Variants in STK31 observed in about 807,000 individuals in gnomAD.
STK31 encodes the protein serine/threonine kinase 31, also known as serine/threonine-protein kinase 31.
Under a neutral mutation model 129.7 loss-of-function variants are expected in STK31, and 89 were observed. The ratio of observed to expected loss-of-function variants is 0.69; its 90% CI spans 0.58 to 0.82. STK31 has a LOEUF of 0.82. Among genes scored for constraint, STK31 ranks in the 40% least tolerant of loss-of-function variants. The pLI, the probability that STK31 is intolerant of heterozygous loss-of-function variation, is 0.00. For synonymous variants in STK31, 448 were observed against 395.3 expected, an observed-to-expected ratio of 1.13 and a Z score of -1.58; for missense variants, 1,187 against 1,176.4, an observed-to-expected ratio of 1.01 and a Z score of -0.13.
intron 23 of STK31, among the ~76,000 whole-genome samples, chr7:23,825,289 C>T (rs1794064200): frequency 6.6e-6 from 1 of 152,146 alleles, no homozygotes; most frequent in African/African-American, 2.4e-5. Context: ...TGTTATTGGT[C>T]TATTCAGAGA....
At chr7:23,783,079 C>G (rs1791034247) in intron 16 of STK31, among the ~76,000 whole-genome samples, 1 of 152,016 alleles carries the variant, frequency 6.6e-6, no homozygotes, top group South Asian at 2.1e-4. Flanking sequence ...CGGAGAGACT[C>G]TGGGGATGCT....
At chr7:23,715,433 C>A in intron 3 of STK31, among the ~76,000 whole-genome samples, 1 of 141,160 alleles carries the variant, frequency 7.1e-6, no homozygotes, top group African/African-American at 2.7e-5. Context: ...GCCTTGGCAA[C>A]AGTAAGACCT....
intron 4 of STK31, chr7:23,721,822 A>G: frequency 1.8e-6 from 1 of 554,628 alleles, no homozygotes; most frequent in Non-Finnish European, 3.3e-6. Flanking sequence ...CTCTACATTC[A>G]TTTGATCTTC....
At position 23,736,478 on chromosome 7, in the gene STK31, T is replaced by C. The variant is rs147742514; in HGVS notation, c.843-426T>C. ...CCATGATGCTGTATCTTGGATGACA[T>C]AGCTGTTTGATGGGATCTCATCAGT... On this transcript the variant is annotated intron_variant, in intron 7 of 23. Transcript: ENST00000355870. Among the ~76,000 whole-genome samples, 1,175 of 150,028 alleles carry C rather than the reference T, an allele frequency of 7.8e-3. 9 individuals carry two copies. Among genetic ancestry groups the C allele is most frequent in the South Asian group, 0.03 (140 of 4,718 alleles).
intron 8 of STK31, among the ~76,000 whole-genome samples, chr7:23,739,261 G>A (rs756612259): frequency 5.3e-5 from 8 of 152,102 alleles, no homozygotes; most frequent in African/African-American, 9.7e-5. Flanking sequence ...TTTTTTGGCC[G>A]CATAAATGTC....
At position 23,769,717 on chromosome 7, in the gene STK31, T is replaced by A. The variant is rs1790068947; in HGVS notation, c.1674T>A (p.Thr558=). Residue 558 remains threonine (T), a synonymous_variant, in exon 13 of 24, where the codon ACT becomes ACA. Transcript: ENST00000355870. ...ATATTGATGAAATCCTAGAGAAGAC[T>A]GAGTCAAGTGTCTGCAAAGAGCTGG... ...MDNIDEILEK[T]ESSVCKELEI... is the part of the protein sequence containing the mutation. 5 of 1,610,056 alleles carry A rather than the reference T, an allele frequency of 3.1e-6. No individual in the cohort carries two copies. In the Admixed American group the frequency reaches 5.0e-5, roughly 16 times the overall value.
At chr7:23,763,068 G>A (rs896002067) in intron 11 of STK31, 145 bp downstream of exon 11, 1 of 694,994 alleles carries the variant, frequency 1.4e-6, no homozygotes. Flanking sequence ...CTTTTTAATG[G>A]GATTAAAAGT....
At chr7:23,721,683 C>T (rs1786708013) in intron 4 of STK31, 2 of 802,612 alleles carry the variant, frequency 2.5e-6, no homozygotes, top group Non-Finnish European at 4.5e-6. Flanking sequence ...GGGAGTCCCA[C>T]AGAATCTGGT....
intron 11 of STK31, among the ~76,000 whole-genome samples, chr7:23,767,193 C>T (rs1172460677): frequency 6.6e-6 from 1 of 152,130 alleles, no homozygotes; most frequent in Non-Finnish European, 1.5e-5. Context: ...GATTTTGCTT[C>T]CTTTTTATAA....
intron 3 of STK31, among the ~76,000 whole-genome samples, chr7:23,712,959 G>T (rs915924417): frequency 2.0e-5 from 3 of 152,116 alleles, no homozygotes; most frequent in Non-Finnish European, 2.9e-5. Context: ...TCCTTTTGGT[G>T]GGGGGTGAGG....
chr7:23,808,009 C>T (rs760611451), intron 22 of STK31, among the ~76,000 whole-genome samples: 32 of 151,688 alleles, frequency 2.1e-4, no homozygotes, highest in Non-Finnish European at 4.0e-4. Flanking sequence ...CTCAGATAAT[C>T]ACAACATCTG....
At chr7:23,794,563 G>C (rs1791835536) in intron 22 of STK31, among the ~76,000 whole-genome samples, 2 of 152,164 alleles carry the variant, frequency 1.3e-5, no homozygotes, top group South Asian at 4.1e-4. Flanking sequence ...CTGCGTCATG[G>C]GCAGAGGTTG....
intron 10 of STK31, among the ~76,000 whole-genome samples, chr7:23,759,986 C>T (rs1156495132): frequency 6.6e-6 from 1 of 152,006 alleles, no homozygotes; most frequent in East Asian, 1.9e-4. Context: ...TAAGACTCTG[C>T]CTTACTATTA....
At chr7:23,787,951 T>G (rs1382179100) in intron 20 of STK31, 29 bp from the exon 21 acceptor site, 3 of 1,481,620 alleles carry the variant, frequency 2.0e-6, no homozygotes, top group Non-Finnish European at 2.7e-6. Context: ...GCCTACTTCC[T>G]CACTTCTTTT....
At chr7:23,828,026 G>T (rs1409271909) in intron 23 of STK31, among the ~76,000 whole-genome samples, 1 of 152,192 alleles carries the variant, frequency 6.6e-6, no homozygotes, top group Non-Finnish European at 1.5e-5. Context: ...CTCCCAGTTA[G>T]GCTACTCGGG....
intron 3 of STK31, among the ~76,000 whole-genome samples, 180 bp from the exon 4 acceptor site, chr7:23,717,301 T>C (rs1179527693): frequency 6.6e-6 from 1 of 151,892 alleles, no homozygotes; most frequent in African/African-American, 2.4e-5. Context: ...ACTTTTTCTA[T>C]GGCCTAGTCT....
At chr7:23,792,410 T>C (rs1791674774) in intron 22 of STK31, among the ~76,000 whole-genome samples, 1 of 152,152 alleles carries the variant, frequency 6.6e-6, no homozygotes, top group African/African-American at 2.4e-5. Flanking sequence ...TAGTAAAAGA[T>C]GTGCAAGAGT....
chr7:23,770,969 C>T (rs778838177), intron 13 of STK31, 36 bp from the exon 14 acceptor site: 2 of 1,579,414 alleles, frequency 1.3e-6, no homozygotes, highest in Non-Finnish European at 1.7e-6. Context: ...TTGGATATTC[C>T]TTTGTGTATA....
intron 22 of STK31, chr7:23,791,271 T>C (rs1449866125): frequency 1.0e-6 from 1 of 985,172 alleles, no homozygotes; most frequent in Admixed American, 6.2e-5. Context: ...GGTATATTCC[T>C]GCTTCCAGTG....
Sources: gnomAD v4.1 joint callset for allele counts (sites outside exome capture counted in the v4.1 genomes callset) on GRCh38, gnomAD v4.1.1 for gene constraint, MANE v1.5 for transcripts, NCBI Gene and HGNC (gene_info 2026-07-23, HGNC 2026-07-21) for gene names.